Variants in MGMT observed in about 807,000 individuals in gnomAD.
MGMT encodes the protein O-6-methylguanine-DNA methyltransferase, also known as methylated-DNA--protein-cysteine methyltransferase.
A neutral mutation model predicts 15.9 loss-of-function variants in MGMT; 14 were observed. The observed-to-expected ratio is 0.88, with a 90% CI of 0.58 to 1.37. The LOEUF (loss-of-function observed/expected upper bound fraction) is 1.37. Among genes scored for constraint, MGMT ranks in the 40% most tolerant of loss-of-function variants. MGMT has a pLI of 0.00. For synonymous variants in MGMT, 130 were observed against 118.2 expected, an observed-to-expected ratio of 1.10 and a Z score of -0.65; for missense variants, 282 against 268.1, an observed-to-expected ratio of 1.05 and a Z score of -0.36.
Position 129,673,254 on chromosome 10 carries a change from C to A in MGMT, c.126-34641C>A, listed in dbSNP as rs552813013. 1.0e-3 allele frequency among the ~76,000 whole-genome samples: 155 copies of A among 152,206 alleles called. 1 individual carries two copies. The highest frequency in any genetic ancestry group is 3.3e-3 in the African/African-American group (136 of 41,522). The stretch of plus-strand genomic sequence containing the variant: ...TCTGCTCTTAGAATATGACCCACTC[C>A]TTTCATAAAGCTGAGTTCAAATCCC... On this transcript the variant is annotated intron_variant, in intron 2 of 4. Transcript: ENST00000651593.
At chr10:129,692,989 G>T (rs1364472348) in intron 2 of MGMT, among the ~76,000 whole-genome samples, 2 of 152,242 alleles carry the variant, frequency 1.3e-5, no homozygotes, top group African/African-American at 4.8e-5. Context: ...GCAGGGCAAG[G>T]AATAAGTGTC....
rs527484069 is a variant in MGMT at position 129,721,579 on chromosome 10, A to G, written c.274+13536A>G. Among the ~76,000 whole-genome samples, 108 of 152,374 alleles carry G rather than the reference A, an allele frequency of 7.1e-4. 1 individual carries two copies. Among genetic ancestry groups the G allele is most frequent in the African/African-American group, 2.4e-3 (99 of 41,596 alleles). On this transcript the variant is annotated intron_variant, in intron 3 of 4. Transcript: ENST00000651593. The stretch of plus-strand genomic sequence containing the variant: ...TAAAGTTAATAAAGATGTATTTTGT[A>G]GTTTATAATACACGTAGAAGGAAAA...
chr10:129,719,595 CTGGGCG>C (rs1848344825), intron 3 of MGMT, among the ~76,000 whole-genome samples: 3 of 152,314 alleles, frequency 2.0e-5, no homozygotes, highest in African/African-American at 7.2e-5. Context: ...GGCCTTTCCT[CTGGGCG>C]TGCATCGCTC....
intron 2 of MGMT, among the ~76,000 whole-genome samples, chr10:129,687,031 G>GC (rs1440610126): frequency 3.3e-5 from 5 of 152,120 alleles, no homozygotes; most frequent in African/African-American, 9.7e-5. Context: ...TTGGGGTAGG[G>GC]CTCTGTTGCA....
At chr10:129,472,677 A>G (rs1007793278) in intron 1 of MGMT, among the ~76,000 whole-genome samples, 4 of 152,202 alleles carry the variant, frequency 2.6e-5, no homozygotes, top group African/African-American at 9.7e-5. Flanking sequence ...AAGCAGGGCC[A>G]GGGACAGTTC....
At chr10:129,470,478 G>C (rs917294016) in intron 1 of MGMT, among the ~76,000 whole-genome samples, 18 of 152,350 alleles carry the variant, frequency 1.2e-4, no homozygotes, top group Non-Finnish European at 2.1e-4. Context: ...ATGAATGACT[G>C]ACTTCTTCAT....
rs534004540 is a variant in MGMT at position 129,487,916 on chromosome 10, T to G, written c.-13+20620T>G. On this transcript the variant is annotated intron_variant, in intron 1 of 4. Coordinates refer to ENST00000651593, the MANE Select transcript of MGMT (RefSeq NM_002412.5). The stretch of plus-strand genomic sequence containing the variant: ...TGTATATATATACCATATAGGGGTG[T>G]GTGTGTGTGTGTGTGTGTGTATATA... Among the ~76,000 whole-genome samples, 96 of 139,542 alleles carry G rather than the reference T, an allele frequency of 6.9e-4. 5 individuals are homozygous for G. In the South Asian group the frequency reaches 0.023, roughly 33 times the overall value. 91.5% of individuals were successfully genotyped at this position (139,542 alleles called of 152,430 possible).
chr10:129,767,067 G>C lies in MGMT; in HGVS notation c.*70G>C, dbSNP rs946454480. 2 of 1,307,688 alleles carry C rather than the reference G, an allele frequency of 1.5e-6. No homozygotes were observed. Among genetic ancestry groups the C allele is most frequent in the African/African-American group, 1.5e-5 (1 of 68,288 alleles). The allele number at this position is 1,307,688 out of a possible 1,614,324, so 81.0% of individuals were successfully genotyped here. ...ACTGCATCGGATGCGGGGCGTGGAG[G>C]CACCGCTGTATTAAAGGAAGTGGCA... is the stretch of plus-strand genomic sequence containing the variant. On this transcript the variant is annotated 3_prime_UTR_variant, in exon 5 of 5. Coordinates refer to ENST00000651593, the MANE Select transcript of MGMT (RefSeq NM_002412.5).
intron 2 of MGMT, among the ~76,000 whole-genome samples, chr10:129,553,646 G>T (rs1381679452): frequency 6.6e-6 from 1 of 152,206 alleles, no homozygotes; most frequent in Non-Finnish European, 1.5e-5. Context: ...TGGCCTCAAG[G>T]AGCTTTGTCT....
At chr10:129,754,729 A>G (rs1848786511) in intron 3 of MGMT, among the ~76,000 whole-genome samples, 1 of 152,182 alleles carries the variant, frequency 6.6e-6, no homozygotes, top group Non-Finnish European at 1.5e-5. Context: ...ATGGCGAGGA[A>G]GCATGCCAGA....
intron 1 of MGMT, among the ~76,000 whole-genome samples, chr10:129,494,417 C>A (rs1442670129): frequency 6.6e-6 from 1 of 152,222 alleles, no homozygotes; most frequent in African/African-American, 2.4e-5. Flanking sequence ...CAGCCACTTG[C>A]TGCGTGTCAG....
chr10:129,615,284 G>T (rs556862864), intron 2 of MGMT, among the ~76,000 whole-genome samples: 13 of 152,270 alleles, frequency 8.5e-5, no homozygotes, highest in African/African-American at 2.2e-4. Context: ...CTCCCCTGAC[G>T]TGCCCCTGCT....
At chr10:129,624,323 C>T (rs1216118116) in intron 2 of MGMT, among the ~76,000 whole-genome samples, 1 of 152,116 alleles carries the variant, frequency 6.6e-6, no homozygotes, top group Non-Finnish European at 1.5e-5. Context: ...GGAGTGGGGC[C>T]CACTGAAGAA....
intron 2 of MGMT, among the ~76,000 whole-genome samples, chr10:129,598,768 T>G (rs1400764338): frequency 6.6e-6 from 1 of 152,178 alleles, no homozygotes; most frequent in African/African-American, 2.4e-5. Flanking sequence ...TCTTGTATAT[T>G]ACAAAGTAGA....
At chr10:129,661,708 G>T (rs867742892) in intron 2 of MGMT, among the ~76,000 whole-genome samples, 2 of 152,010 alleles carry the variant, frequency 1.3e-5, no homozygotes, top group South Asian at 2.1e-4. Context: ...AAAGTTTTCC[G>T]CAATTTAATC....
intron 2 of MGMT, among the ~76,000 whole-genome samples, chr10:129,565,666 T>C (rs1846346122): frequency 6.6e-6 from 1 of 152,186 alleles, no homozygotes; most frequent in South Asian, 2.1e-4. Context: ...TGATTGGAAC[T>C]CTGACTTGAT....
chr10:129,685,799 G>T (rs2133123642), intron 2 of MGMT, among the ~76,000 whole-genome samples: 1 of 152,352 alleles, frequency 6.6e-6, no homozygotes, highest in Admixed American at 6.5e-5. Flanking sequence ...ACACCTCACA[G>T]AAAGTGAAGT....
At chr10:129,513,593 C>T (rs1029089529) in intron 1 of MGMT, among the ~76,000 whole-genome samples, 5 of 152,100 alleles carry the variant, frequency 3.3e-5, no homozygotes, top group South Asian at 4.2e-4. Flanking sequence ...CGTGACCCCG[C>T]GGCTCCTCTT....
intron 2 of MGMT, among the ~76,000 whole-genome samples, chr10:129,539,393 C>T (rs1206557571): frequency 6.6e-6 from 1 of 152,130 alleles, no homozygotes; most frequent in African/African-American, 2.4e-5. Context: ...CATCAGTTGA[C>T]CAAGGGTGTG....
Sources: gnomAD v4.1 joint callset for allele counts (sites outside exome capture counted in the v4.1 genomes callset) on GRCh38, gnomAD v4.1.1 for gene constraint, MANE v1.5 for transcripts, NCBI Gene and HGNC (gene_info 2026-07-23, HGNC 2026-07-21) for gene names.